LIN7A: variants seen among roughly 807,000 people sequenced by gnomAD.
LIN7A encodes the protein protein lin-7 homolog A.
LIN7A carries 25 observed loss-of-function variants against 29.8 expected under a neutral mutation model. The ratio of observed to expected loss-of-function variants is 0.84; its 90% confidence interval spans 0.61 to 1.17. LIN7A has a LOEUF of 1.17. Ranked by LOEUF, LIN7A falls within the 50% of genes most tolerant of loss-of-function variation. The probability of loss-of-function intolerance (pLI) is 0.00; values close to 1 mark genes in which losing one functional copy is unlikely to be tolerated. For synonymous variants in LIN7A, 118 were observed against 107.5 expected (o/e 1.10, Z -0.60); for missense variants, 239 against 287.0 (o/e 0.83, Z 1.21).
chr12:80,937,846 T>A lies in LIN7A; in HGVS notation c.-124A>T. The A allele has an allele frequency of 2.8e-6, 2 of 709,512 alleles. No individual in the cohort carries two copies. The highest frequency in any genetic ancestry group is 4.3e-6 in the Non-Finnish European group (2 of 469,150). The allele number at this position is 709,512 out of a possible 1,614,324, so 44.0% of individuals were successfully genotyped here. A position where few individuals can be genotyped will look rare whatever the true frequency, so the allele number is the denominator to read the frequency against. On this transcript the variant is annotated 5_prime_UTR_variant, in exon 1 of 6. Transcript: ENST00000552864. Reference sequence around the variant, plus strand: ...GTGGTGGTGGAGAAGAAAGCTTGGGTGGGTTGGTAGCCAGATGGAGACGCA... The same window carrying A: ...GTGGTGGTGGAGAAGAAAGCTTGGGAGGGTTGGTAGCCAGATGGAGACGCA...
intron 4 of LIN7A, among the ~76,000 whole-genome samples, chr12:80,822,933 G>A (rs1293206413): frequency 1.3e-5 from 2 of 152,144 alleles, no homozygotes; most frequent in Non-Finnish European, 2.9e-5. Flanking sequence ...ACCAGAGTGA[G>A]AACTTATGGT....
chr12:80,856,494 C>A (rs1441925206), intron 2 of LIN7A, among the ~76,000 whole-genome samples: 1 of 152,172 alleles, frequency 6.6e-6, no homozygotes, highest in African/African-American at 2.4e-5. Context: ...TCAGTGGTAA[C>A]TGTGCCATGT....
At chr12:80,874,857 G>T (rs867593845) in intron 2 of LIN7A, among the ~76,000 whole-genome samples, 2 of 151,976 alleles carry the variant, frequency 1.3e-5, no homozygotes, top group Non-Finnish European at 2.9e-5. Context: ...TGTGGCGGGC[G>T]CCTGTAGTCC....
chr12:80,839,252 G>C (rs922144596), intron 4 of LIN7A, among the ~76,000 whole-genome samples: 2 of 152,138 alleles, frequency 1.3e-5, no homozygotes, highest in African/African-American at 4.8e-5. Context: ...GATTAATAAG[G>C]CTAGACTGCC....
intron 2 of LIN7A, among the ~76,000 whole-genome samples, chr12:80,880,884 T>A (rs142959981): frequency 1.5e-3 from 234 of 152,246 alleles, no homozygotes; most frequent in African/African-American, 5.3e-3. Flanking sequence ...CAAATGGGAA[T>A]GCCACAGCTG....
intron 2 of LIN7A, among the ~76,000 whole-genome samples, chr12:80,879,176 C>T (rs1441195964): frequency 6.6e-6 from 1 of 151,966 alleles, no homozygotes; most frequent in East Asian, 1.9e-4. Context: ...ATTCACAGAA[C>T]CGGAAGGATC....
chr12:80,852,574 C>T (rs1873385531), intron 2 of LIN7A, among the ~76,000 whole-genome samples: 1 of 151,992 alleles, frequency 6.6e-6, no homozygotes, highest in African/African-American at 2.4e-5. Flanking sequence ...CTAATAGCTG[C>T]TATTATTTCT....
intron 1 of LIN7A, among the ~76,000 whole-genome samples, chr12:80,891,309 C>A (rs1875613401): frequency 6.6e-6 from 1 of 152,178 alleles, no homozygotes; most frequent in Admixed American, 6.5e-5. Flanking sequence ...ATCAAACCTT[C>A]CCTGGCTTCC....
chr12:80,888,865 C>T (rs1005305905), intron 2 of LIN7A, among the ~76,000 whole-genome samples: 3 of 152,082 alleles, frequency 2.0e-5, no homozygotes, highest in African/African-American at 7.2e-5. Context: ...TAGGAGGTTA[C>T]TACTTCAGAT....
intron 1 of LIN7A, among the ~76,000 whole-genome samples, chr12:80,933,203 T>C (rs1878010336): frequency 6.6e-6 from 1 of 152,200 alleles, no homozygotes; most frequent in Admixed American, 6.5e-5. Flanking sequence ...GTTTTAGCCT[T>C]GTAATACAAA....
chr12:80,841,661 T>C (rs12300249), intron 4 of LIN7A: 55,471 of 154,116 alleles, frequency 0.36, 10,274 homozygotes, highest in Non-Finnish European at 0.42. Context: ...CAGGACTTCA[T>C]GAAGATTCTT....
intron 5 of LIN7A, among the ~76,000 whole-genome samples, chr12:80,811,107 C>A (rs1871265136): frequency 6.6e-6 from 1 of 152,130 alleles, no homozygotes; most frequent in Admixed American, 6.5e-5. Flanking sequence ...TGGAATCCAG[C>A]CCACACTCTT....
intron 2 of LIN7A, among the ~76,000 whole-genome samples, chr12:80,849,536 G>A (rs1873228398): frequency 6.6e-6 from 1 of 151,990 alleles, no homozygotes; most frequent in Non-Finnish European, 1.5e-5. Context: ...ATACACTTTG[G>A]TGATCATCAA....
rs1331494073 is a variant in LIN7A, at chr12:80,811,509, G to C, written c.658C>G (p.Gln220Glu). ...QQQQLLIQQQ[Q>E]QQQQQQTQQN... ...TGTGTTTGTTGCTGCTGCTGCTGTT[G>C]CTGCTGCTGAATTAGCAATTGCTGC... Residue 220 changes from glutamine (Q) to glutamate (E), a missense_variant, in exon 5 of 6, where the codon CAA (glutamine) becomes GAA (glutamate). By Grantham distance (29) the Gln-to-Glu change is conservative. Coordinates refer to ENST00000552864, the MANE Select transcript of LIN7A (RefSeq NM_004664.4). 2.5e-6 allele frequency: 4 copies of C among 1,600,068 alleles called. No individual in the cohort carries two copies. Among genetic ancestry groups the C allele is most frequent in the African/African-American group, 1.3e-5 (1 of 74,566 alleles).
chr12:80,836,165 G>T (rs1308900590), intron 4 of LIN7A, among the ~76,000 whole-genome samples: 1 of 152,124 alleles, frequency 6.6e-6, no homozygotes, highest in East Asian at 1.9e-4. Flanking sequence ...TCCATTGGTT[G>T]GCTCCCAATC....
At chr12:80,842,601 C>A (rs2121546691) in intron 4 of LIN7A, among the ~76,000 whole-genome samples, 1 of 150,258 alleles carries the variant, frequency 6.7e-6, no homozygotes, top group East Asian at 1.9e-4. Flanking sequence ...ATTTGCTAAT[C>A]TTTTCTTTTT....
chr12:80,837,603 T>C (rs1199618608), intron 4 of LIN7A, among the ~76,000 whole-genome samples: 1 of 152,154 alleles, frequency 6.6e-6, no homozygotes, highest in African/African-American at 2.4e-5. Context: ...TGAAACTGAT[T>C]TGGGATTTTT....
chr12:80,804,370 C>G (rs976425401), intron 5 of LIN7A, among the ~76,000 whole-genome samples: 12 of 151,936 alleles, frequency 7.9e-5, no homozygotes, highest in Non-Finnish European at 1.3e-4. Context: ...CCCCACTCCT[C>G]CACTATCCTT....
chr12:80,923,928 G>A (rs1453954532), intron 1 of LIN7A, among the ~76,000 whole-genome samples: 1 of 152,170 alleles, frequency 6.6e-6, no homozygotes, highest in East Asian at 1.9e-4. Flanking sequence ...TGAAATGAAA[G>A]TTTGTTGTGA....
Sources: gnomAD v4.1 joint callset for allele counts (sites outside exome capture counted in the v4.1 genomes callset) on GRCh38, gnomAD v4.1.1 for gene constraint, MANE v1.5 for transcripts, NCBI Gene and HGNC (gene_info 2026-07-23, HGNC 2026-07-21) for gene names.